The following UNC93B1 variants were observed in gnomAD, a reference collection of about 807,000 sequenced individuals.
UNC93B1 encodes the protein protein unc-93 homolog B1.
In UNC93B1, 33 loss-of-function variants were observed where a neutral mutation model predicts 56.8. The observed-to-expected ratio is 0.58, with a 90% CI of 0.44 to 0.78. The LOEUF (loss-of-function observed/expected upper bound fraction) is 0.78. UNC93B1 is among the 30% of genes least tolerant of loss of function. UNC93B1 has a pLI of 0.00. For missense variants in UNC93B1, 673 were observed against 819.5 expected, an observed-to-expected ratio of 0.82 and a Z score of 2.18; for synonymous variants, 334 against 358.6, an observed-to-expected ratio of 0.93 and a Z score of 0.77.
chr11:67,998,507 C>A (rs933069468), intron 5 of UNC93B1, 55 bp from the exon 6 acceptor site: 12 of 1,577,122 alleles, frequency 7.6e-6, no homozygotes, highest in Admixed American at 1.7e-5. Context: ...AGGCAAGGGA[C>A]ACAGGCATGG....
intron 3 of UNC93B1, 142 bp downstream of exon 3, chr11:68,002,880 A>G: frequency 1.7e-6 from 2 of 1,146,434 alleles, no homozygotes. Context: ...CTTCACTCTC[A>G]GGCTTCCGGG....
chr11:67,999,088 G>T, intron 5 of UNC93B1, 85 bp downstream of exon 5: 1 of 1,553,596 alleles, frequency 6.4e-7, no homozygotes, highest in Non-Finnish European at 8.7e-7. Flanking sequence ...AAGAAAGAAA[G>T]TGGGACTAGA....
At chr11:67,999,885 A>G (rs1857017457) in intron 3 of UNC93B1, among the ~76,000 whole-genome samples, 1 of 152,220 alleles carries the variant, frequency 6.6e-6, no homozygotes, top group East Asian at 1.9e-4. Context: ...CAGCTGTAAT[A>G]TGGGCACGGA....
intron 9 of UNC93B1, among the ~76,000 whole-genome samples, chr11:67,995,321 T>C (rs1445289980): frequency 6.6e-6 from 1 of 152,130 alleles, no homozygotes; most frequent in East Asian, 1.9e-4. Context: ...GATGGGGCCC[T>C]GTGCCCGCTC....
At chr11:67,999,466 G>A (rs1857007608) in intron 4 of UNC93B1, 53 bp downstream of exon 4, 2 of 1,544,956 alleles carry the variant, frequency 1.3e-6, no homozygotes. Flanking sequence ...TGGCAATAAA[G>A]TGGAGGCTTG....
At chr11:67,998,179 C>T (rs1263301120) in intron 6 of UNC93B1, among the ~76,000 whole-genome samples, 180 bp downstream of exon 6, 1 of 152,216 alleles carries the variant, frequency 6.6e-6, no homozygotes, top group Non-Finnish European at 1.5e-5. Flanking sequence ...CCCCGCCCAC[C>T]CACTCTCCTG....
chr11:68,003,128 C>T lies in UNC93B1; in HGVS notation c.286G>A (p.Glu96Lys). 1 of 1,613,504 alleles carries T rather than the reference C, an allele frequency of 6.2e-7. No homozygotes were observed. The highest frequency in any genetic ancestry group is 8.5e-7 in the Non-Finnish European group (1 of 1,179,836). ...AGCCCCATGTTGCCATACTTCACCT[C>T]GCGGTAGGTCTCGTCGTAGTGCAGG... is the stretch of plus-strand genomic sequence containing the variant. ...LILHYDETYR[E>K]VKYGNMGLPD... Residue 96 changes from glutamate (E) to lysine (K), a missense_variant, in exon 3 of 11, where the codon GAG becomes AAG. Coordinates refer to ENST00000227471, the MANE Select transcript of UNC93B1 (RefSeq NM_030930.4). The surrounding 1 kb of genome is among the most constrained non-coding windows in gnomAD (Gnocchi z 4.4).
chr11:68,002,998 T>G, intron 3 of UNC93B1, 24 bp downstream of exon 3: 4 of 1,593,046 alleles, frequency 2.5e-6, no homozygotes, highest in Non-Finnish European at 3.4e-6. Context: ...TACCGCAGCA[T>G]CCCACAGGAG....
At chr11:67,997,927 G>A (rs572030312) in intron 6 of UNC93B1, 128 bp from the exon 7 acceptor site, 2 of 1,394,470 alleles carry the variant, frequency 1.4e-6, no homozygotes, top group African/African-American at 1.4e-5. Flanking sequence ...CAAGGGCAGA[G>A]TTCCTTCAGA....
intron 9 of UNC93B1, among the ~76,000 whole-genome samples, chr11:67,995,163 C>G (rs1447342137): frequency 6.6e-6 from 1 of 152,186 alleles, no homozygotes; most frequent in Non-Finnish European, 1.5e-5. Flanking sequence ...CTCCAAGTGT[C>G]ATGAAAACTA....
At chr11:67,996,890 C>T in intron 7 of UNC93B1, 106 bp from the exon 8 acceptor site, 1 of 1,344,296 alleles carries the variant, frequency 7.4e-7, no homozygotes, top group South Asian at 1.6e-5. Flanking sequence ...TGCCCCAGCT[C>T]GGCCCCGCCT....
chr11:67,998,280 C>A, intron 6 of UNC93B1, 79 bp downstream of exon 6: 1 of 1,535,266 alleles, frequency 6.5e-7, no homozygotes, highest in Non-Finnish European at 9.0e-7. Context: ...GCCCTGAATC[C>A]TGTGAGTGAG....
intron 10 of UNC93B1, among the ~76,000 whole-genome samples, 185 bp from the exon 11 acceptor site, chr11:67,992,042 C>A (rs1316415575): frequency 2.0e-5 from 3 of 152,400 alleles, no homozygotes; most frequent in Non-Finnish European, 2.9e-5. Flanking sequence ...GGCTCACATC[C>A]AGCACTGTCC....
rs60629377 is a variant in UNC93B1, at chr11:68,002,185, TACACACAC to T, written c.392+829_392+836del. On this transcript the variant is annotated intron_variant, in intron 3 of 10. Coordinates refer to ENST00000227471, the MANE Select transcript of UNC93B1 (RefSeq NM_030930.4). ...CAAAAGCAAACATAGCCCGCTTGCA[TACACACAC>T]ACACACACACACACACACACACACA... 9.2e-5 allele frequency among the ~76,000 whole-genome samples: 13 copies of T among 140,780 alleles called. No homozygotes were observed. The South Asian group carries it at 9.4e-4, about 10-fold the overall frequency. The allele number at this position is 140,780 out of a possible 152,430, so 92.4% of individuals were successfully genotyped here.
rs1254434638 is a variant in UNC93B1, at chr11:67,997,723, A to G, written c.858T>C (p.Ile286=). ...CTGCCATGAGCACGCTCTCCACCAC[A>G]ATGAGGTTTCCGCTCCGCGGGAGCG... is the stretch of plus-strand genomic sequence containing the variant. ...LRTLPRSGNL[I]VVESVLMAVA... Residue 286 remains isoleucine, a synonymous_variant, in exon 7 of 11, where the codon ATT becomes ATC. Transcript: ENST00000227471. 1.2e-6 allele frequency: 2 copies of G among 1,609,276 alleles called. No individual in the cohort carries two copies. Among genetic ancestry groups the G allele is most frequent in the African/African-American group, 2.7e-5 (2 of 75,050 alleles).
chr11:68,002,995 G>T, intron 3 of UNC93B1, 27 bp downstream of exon 3: 1 of 1,590,096 alleles, frequency 6.3e-7, no homozygotes. Context: ...GAGTACCGCA[G>T]CATCCCACAG....
In UNC93B1 at chr11:68,003,226, C is replaced by T; in HGVS notation, c.239-51G>A. On this transcript the variant is annotated intron_variant, in intron 2 of 10. Coordinates refer to ENST00000227471, the MANE Select transcript of UNC93B1 (RefSeq NM_030930.4). This position sits in a 1 kb window ranked among gnomAD's most constrained non-coding sequence, Gnocchi z 4.4. ...GCAGGGAGCAGCCTAGCTTTGGGCG[C>T]CACCGAGCAGAAGACGGCATGCAGG... The T allele has an allele frequency of 6.5e-7, 1 of 1,544,482 alleles. No individual in the cohort carries two copies. Among genetic ancestry groups the T allele is most frequent in the South Asian group, 1.2e-5 (1 of 83,780 alleles).
At position 68,003,994 on chromosome 11, in the gene UNC93B1, T is replaced by C; in HGVS notation, c.50A>G (p.Gln17Arg). 1.4e-6 allele frequency: 2 copies of C among 1,400,358 alleles called. No individual in the cohort carries two copies. The highest frequency in any genetic ancestry group is 9.3e-7 in the Non-Finnish European group (1 of 1,074,118). 86.7% of individuals were successfully genotyped at this position (1,400,358 alleles called of 1,614,324 possible). A position where few individuals can be genotyped will look rare whatever the true frequency, so the allele number is the denominator to read the frequency against. The change falls in exon 1 of 11, where the codon CAG becomes CGG. Residue 17 changes from glutamine (Q) to arginine (R), a missense_variant. Gln to Arg is a conservative substitution (Grantham distance 43). Around this residue, in one of 3 missense-constraint regions of UNC93B1, gnomAD observed 438 missense variants for 465.9 expected, o/e 0.94. Coordinates refer to ENST00000227471, the MANE Select transcript of UNC93B1 (RefSeq NM_030930.4). The surrounding 1 kb of genome is among the most constrained non-coding windows in gnomAD (Gnocchi z 4.4). ...GACCCCGAGCAGGTCCTCGTCGCCCTGCGGCCCCGCAGCCCCCGCCATCGG... is the reference window on the plus strand; with the variant it reads ...GACCCCGAGCAGGTCCTCGTCGCCCCGCGGCCCCGCAGCCCCCGCCATCGG... ...LYPMAGAAGP[Q>R]GDEDLLGVPD...
At chr11:67,994,103 A>G (rs1565123589) in intron 9 of UNC93B1, among the ~76,000 whole-genome samples, 1 of 152,134 alleles carries the variant, frequency 6.6e-6, no homozygotes, top group Non-Finnish European at 1.5e-5. Flanking sequence ...CCTGTCCCCA[A>G]CCCAGGTGTG....
Sources: gnomAD v4.1 joint callset for allele counts (sites outside exome capture counted in the v4.1 genomes callset) on GRCh38, gnomAD v4.1.1 for gene constraint, gnomAD v4.1.1 regional missense constraint, Gnocchi (gnomAD v3.1) non-coding constraint, MANE v1.5 for transcripts, NCBI Gene and HGNC (gene_info 2026-07-23, HGNC 2026-07-21) for gene names.